ADAMTS2: variants seen among roughly 807,000 people sequenced by gnomAD.
The protein encoded by ADAMTS2 is ADAM metallopeptidase with thrombospondin type 1 motif 2.
ADAMTS2 carries 50 observed loss-of-function variants against 123.0 expected under a neutral mutation model. The ratio of observed to expected loss-of-function variants is 0.41; its 90% confidence interval spans 0.32 to 0.51. The LOEUF (loss-of-function observed/expected upper bound fraction) is 0.51. ADAMTS2 is among the 20% of genes least tolerant of loss of function. The pLI, the probability that ADAMTS2 is intolerant of heterozygous loss-of-function variation, is 0.35. For synonymous variants in ADAMTS2, 678 were observed against 695.4 expected, an observed-to-expected ratio of 0.98 and a Z score of 0.39; for missense variants, 1,494 against 1,705.2, an observed-to-expected ratio of 0.88 and a Z score of 2.18.
rs1194058220 is a variant in ADAMTS2, at chr5:179,314,074, C to A, written c.534+29693G>T. Among the ~76,000 whole-genome samples, 1 of 151,916 alleles carries A rather than the reference C, an allele frequency of 6.6e-6. No individual in the cohort carries two copies. Among genetic ancestry groups the A allele is most frequent in the African/African-American group, 2.4e-5 (1 of 41,332 alleles). The stretch of plus-strand genomic sequence containing the variant: ...CTGATGGTGGGGCGGGGGGGTTCCT[C>A]ACACACCCCACACCCCTGCCTATGC... On this transcript the variant is annotated intron_variant, in intron 2 of 21. Transcript: ENST00000251582. This position sits in a 1 kb window ranked among gnomAD's most constrained non-coding sequence, Gnocchi z 4.5.
intron 4 of ADAMTS2, among the ~76,000 whole-genome samples, chr5:179,193,005 C>T (rs948115839): frequency 1.3e-5 from 2 of 152,148 alleles, no homozygotes; most frequent in Admixed American, 6.5e-5. Context: ...CGAGGGCTGG[C>T]ACCTCTTTTG....
chr5:179,321,424 C>T (rs1405751143), intron 2 of ADAMTS2, among the ~76,000 whole-genome samples: 10 of 152,200 alleles, frequency 6.6e-5, no homozygotes, highest in South Asian at 2.1e-4. Flanking sequence ...AACTCCCCAG[C>T]GACCCTGCAA....
At chr5:179,206,758 A>G (rs1159173902) in intron 4 of ADAMTS2, among the ~76,000 whole-genome samples, 1 of 152,200 alleles carries the variant, frequency 6.6e-6, no homozygotes, top group African/African-American at 2.4e-5. Flanking sequence ...AGGTCTGCAC[A>G]GCCTCCACCC....
At chr5:179,121,408 A>T (rs1581136312) in intron 21 of ADAMTS2, 2 of 319,826 alleles carry the variant, frequency 6.3e-6, no homozygotes, top group East Asian at 9.8e-5. Context: ...CAACCACGAC[A>T]GATCTTTGCC....
At chr5:179,284,246 T>C (rs1297611460) in intron 2 of ADAMTS2, among the ~76,000 whole-genome samples, 1 of 150,054 alleles carries the variant, frequency 6.7e-6, no homozygotes, top group Non-Finnish European at 1.5e-5. Context: ...GGAGAATTGC[T>C]TGAACCCAGG....
chr5:179,275,013 C>T (rs145616745), intron 2 of ADAMTS2, among the ~76,000 whole-genome samples: 18 of 152,218 alleles, frequency 1.2e-4, no homozygotes, highest in African/African-American at 2.9e-4. Context: ...GGGAGGTGGA[C>T]GGAGCACAGC....
chr5:179,254,612 G>A (rs1561639910), intron 3 of ADAMTS2, among the ~76,000 whole-genome samples: 3 of 152,146 alleles, frequency 2.0e-5, no homozygotes, highest in Admixed American at 6.5e-5. Flanking sequence ...TCGGGGGGGC[G>A]TGCAGATTAA....
At chr5:179,276,289 C>G (rs1414944217) in intron 2 of ADAMTS2, among the ~76,000 whole-genome samples, 1 of 152,122 alleles carries the variant, frequency 6.6e-6, no homozygotes, top group Non-Finnish European at 1.5e-5. Flanking sequence ...TTGGGAGGGT[C>G]CAGCACTGAT....
chr5:179,284,527 C>T (rs1190462921), intron 2 of ADAMTS2, among the ~76,000 whole-genome samples: 2 of 152,014 alleles, frequency 1.3e-5, no homozygotes, highest in Non-Finnish European at 2.9e-5. Context: ...GCTGGGATTA[C>T]AGGTGCACAA....
rs930038626 is a variant in ADAMTS2 at position 179,312,392 on chromosome 5, G to A, written c.534+31375C>T. ...TCCACACGAATGGGATTTGTGCCCC[G>A]ATCAGAGGGACCCCAGAGAGCTCCC... On this transcript the variant is annotated intron_variant, in intron 2 of 21. Transcript: ENST00000251582. The surrounding 1 kb of genome is among the most constrained non-coding windows in gnomAD (Gnocchi z 4.2). 6.6e-6 allele frequency among the ~76,000 whole-genome samples: 1 copy of A among 152,140 alleles called. No individual in the cohort carries two copies. The highest frequency in any genetic ancestry group is 6.5e-5 in the Admixed American group (1 of 15,276).
intron 17 of ADAMTS2, 40 bp downstream of exon 17, chr5:179,127,919 C>T (rs761360859): frequency 5.6e-5 from 91 of 1,611,724 alleles, no homozygotes; most frequent in Non-Finnish European, 6.8e-5. Flanking sequence ...TCGTGGTCAC[C>T]CTCATGTCAC....
chr5:179,204,696 A>G (rs1277247362), intron 4 of ADAMTS2, among the ~76,000 whole-genome samples: 3 of 152,226 alleles, frequency 2.0e-5, no homozygotes, highest in African/African-American at 7.2e-5. Flanking sequence ...TCGTCAGGGC[A>G]ATGCCATGCT....
intron 11 of ADAMTS2, 74 bp from the exon 12 acceptor site, chr5:179,138,018 C>A: frequency 6.7e-7 from 1 of 1,495,186 alleles, no homozygotes; most frequent in Non-Finnish European, 9.0e-7. Flanking sequence ...CTTGTGAGAT[C>A]TTTTTAGGGG....
intron 3 of ADAMTS2, among the ~76,000 whole-genome samples, chr5:179,267,511 G>A (rs1384648006): frequency 6.6e-6 from 1 of 152,228 alleles, no homozygotes; most frequent in Non-Finnish European, 1.5e-5. Flanking sequence ...AGCCCAGCAG[G>A]GTGTGTGCAC....
chr5:179,162,930 T>C lies in ADAMTS2; in HGVS notation c.976-4051A>G, dbSNP rs1186677739. Among the ~76,000 whole-genome samples the C allele has an allele frequency of 2.0e-5, 3 of 152,100 alleles. No homozygotes were observed. Among genetic ancestry groups the C allele is most frequent in the Non-Finnish European group, 4.4e-5 (3 of 68,012 alleles). Reference sequence around the variant, plus strand: ...CTGGCCCATGAAAGATGGCGTCTGATCTGGGGGCAGCTGATATGTTCTGGG... The same window carrying C: ...CTGGCCCATGAAAGATGGCGTCTGACCTGGGGGCAGCTGATATGTTCTGGG... On this transcript the variant is annotated intron_variant, in intron 5 of 21. Coordinates refer to ENST00000251582, the MANE Select transcript of ADAMTS2 (RefSeq NM_014244.5). This position sits in a 1 kb window ranked among gnomAD's most constrained non-coding sequence, Gnocchi z 5.1.
At chr5:179,331,133 G>A (rs1757465284) in intron 2 of ADAMTS2, among the ~76,000 whole-genome samples, 1 of 151,366 alleles carries the variant, frequency 6.6e-6, no homozygotes, top group Non-Finnish European at 1.5e-5. Context: ...AATGTACCAG[G>A]AAGGTACAGG....
At chr5:179,270,542 C>T (rs554945459) in intron 3 of ADAMTS2, among the ~76,000 whole-genome samples, 13 of 152,316 alleles carry the variant, frequency 8.5e-5, no homozygotes, top group African/African-American at 2.9e-4. Context: ...CACACACACC[C>T]GCACCCAGGT....
chr5:179,274,474 A>AGTT (rs1766638018), intron 2 of ADAMTS2, among the ~76,000 whole-genome samples: 1 of 152,200 alleles, frequency 6.6e-6, no homozygotes, highest in Admixed American at 6.5e-5. Flanking sequence ...TCCCCTGTCC[A>AGTT]GTTAGGAGTG....
intron 3 of ADAMTS2, among the ~76,000 whole-genome samples, chr5:179,249,030 C>T (rs1222401644): frequency 6.6e-6 from 1 of 152,124 alleles, no homozygotes; most frequent in African/African-American, 2.4e-5. Context: ...TGAAACCATA[C>T]AAAGCATCTT....
Sources: allele counts gnomAD v4.1 joint callset (sites outside exome capture counted in the v4.1 genomes callset), GRCh38; gene constraint gnomAD v4.1.1; non-coding constraint Gnocchi (gnomAD v3.1); transcripts MANE v1.5; gene names NCBI Gene and HGNC (gene_info 2026-07-23, HGNC 2026-07-21).